Variants in FGD6 observed in about 807,000 individuals in gnomAD.
FGD6 encodes FYVE, RhoGEF and PH domain-containing protein 6.
A neutral mutation model predicts 149.4 loss-of-function variants in FGD6; 90 were observed. The observed-to-expected ratio is 0.60, with a 90% CI of 0.51 to 0.72. The LOEUF (loss-of-function observed/expected upper bound fraction) is 0.72, where lower values mean the gene tolerates loss of function less well. Among genes scored for constraint, FGD6 ranks in the 30% least tolerant of loss-of-function variants. The pLI is 0.00. For missense variants in FGD6, 1,437 were observed against 1,684.8 expected (o/e 0.85, Z 2.57); for synonymous variants, 527 against 584.0 (o/e 0.90, Z 1.41).
chr12:95,150,600 G>C (rs1056542231), intron 5 of FGD6, among the ~76,000 whole-genome samples: 2 of 152,066 alleles, frequency 1.3e-5, no homozygotes, highest in East Asian at 3.9e-4. Context: ...AAATTTGTTA[G>C]GGTGACAAAA....
chr12:95,216,140 C>A (rs867396081), intron 1 of FGD6, among the ~76,000 whole-genome samples: 1 of 152,172 alleles, frequency 6.6e-6, no homozygotes, highest in Non-Finnish European at 1.5e-5. Flanking sequence ...TTGTTGTAAT[C>A]TGATCACAGG....
In FGD6 at chr12:95,141,380, A is replaced by C. The variant is rs79252275; in HGVS notation, c.2837+8T>G. On this transcript the variant is annotated splice_region_variant and intron_variant, in intron 6 of 20. Coordinates refer to ENST00000343958, the MANE Select transcript of FGD6 (RefSeq NM_018351.4). ...CACTAGGAAAATCTGAAAACGGTCC[A>C]TTTTTACCAGTGCAACATTCTTTCC... 4,802 of 1,613,174 alleles carry C rather than the reference A, an allele frequency of 3.0e-3. 135 individuals are homozygous for C. In the African/African-American group the frequency reaches 0.058, roughly 19 times the overall value.
chr12:95,125,840 C>A, intron 8 of FGD6: 2 of 1,028,182 alleles, frequency 1.9e-6, no homozygotes, highest in South Asian at 1.3e-5. Context: ...TCATTGTGAT[C>A]ATAGATGTTA....
At chr12:95,217,166 C>T (rs1312641672) in intron 1 of FGD6, 59 bp downstream of exon 1, 2 of 1,608,706 alleles carry the variant, frequency 1.2e-6, no homozygotes, top group African/African-American at 1.3e-5. Flanking sequence ...GCTCGCGAGC[C>T]CAAGCCTAGC....
intron 18 of FGD6, among the ~76,000 whole-genome samples, chr12:95,087,189 T>C (rs1565892081): frequency 6.6e-6 from 1 of 152,100 alleles, no homozygotes; most frequent in Admixed American, 6.6e-5. Flanking sequence ...AGTAGATAAA[T>C]AACAAAATGT....
chr12:95,113,998 T>G (rs1031300306), intron 8 of FGD6, among the ~76,000 whole-genome samples: 1 of 152,206 alleles, frequency 6.6e-6, no homozygotes, highest in Non-Finnish European at 1.5e-5. Flanking sequence ...AGAGCCAGCA[T>G]GAGAATTCAG....
At chr12:95,185,163 C>T (rs1486755349) in intron 2 of FGD6, among the ~76,000 whole-genome samples, 1 of 152,126 alleles carries the variant, frequency 6.6e-6, no homozygotes, top group Non-Finnish European at 1.5e-5. Flanking sequence ...TGTGAGCACC[C>T]GGGCCCTTCT....
intron 5 of FGD6, among the ~76,000 whole-genome samples, chr12:95,149,437 A>G (rs1010886633): frequency 2.3e-5 from 3 of 129,772 alleles, no homozygotes; most frequent in Non-Finnish European, 3.1e-5. Context: ...TATAGCATAT[A>G]TTATATATAA....
At chr12:95,081,714 T>C (rs191926632) in intron 20 of FGD6, among the ~76,000 whole-genome samples, 158 bp from the exon 21 acceptor site, 292 of 151,548 alleles carry the variant, frequency 1.9e-3, no homozygotes, top group African/African-American at 6.7e-3. Flanking sequence ...GACAGAGTTT[T>C]GCTCTCGTTG....
chr12:95,149,843 A>G (rs1214890052), intron 5 of FGD6, among the ~76,000 whole-genome samples: 2 of 146,542 alleles, frequency 1.4e-5, no homozygotes, highest in African/African-American at 5.0e-5. Context: ...TATAGTACAT[A>G]TACTATATAA....
At chr12:95,207,077 T>A (rs77880422) in intron 2 of FGD6, among the ~76,000 whole-genome samples, 1 of 151,634 alleles carries the variant, frequency 6.6e-6, no homozygotes, top group Admixed American at 6.6e-5. Flanking sequence ...GTCCCCATAA[T>A]CCCTACATGT....
intron 5 of FGD6, among the ~76,000 whole-genome samples, chr12:95,148,946 A>G (rs1332173372): frequency 3.2e-3 from 1 of 316 alleles, no homozygotes; most frequent in Non-Finnish European, 4.3e-3. Context: ...TATTATATAT[A>G]TTATATAAGA....
intron 2 of FGD6, among the ~76,000 whole-genome samples, chr12:95,185,641 T>C (rs1881407663): frequency 6.6e-6 from 1 of 152,108 alleles, no homozygotes; most frequent in Non-Finnish European, 1.5e-5. Flanking sequence ...GGCAGGAGGA[T>C]CATGAGGTCA....
chr12:95,105,974 C>T (rs1239166244), intron 13 of FGD6, among the ~76,000 whole-genome samples: 1 of 152,088 alleles, frequency 6.6e-6, no homozygotes, highest in Non-Finnish European at 1.5e-5. Context: ...CGCACCACTG[C>T]ACTCTAGCCT....
At chr12:95,134,556 C>T (rs1037172952) in intron 8 of FGD6, among the ~76,000 whole-genome samples, 183 bp downstream of exon 8, 1 of 152,048 alleles carries the variant, frequency 6.6e-6, no homozygotes, top group Non-Finnish European at 1.5e-5. Context: ...ATCAAAGAAC[C>T]GAAAGCCGTT....
At chr12:95,107,840 T>C (rs1023078784) in intron 11 of FGD6, among the ~76,000 whole-genome samples, 2 of 152,166 alleles carry the variant, frequency 1.3e-5, no homozygotes, top group Non-Finnish European at 1.5e-5. Flanking sequence ...AATTCCAATA[T>C]TGGCCCCTGG....
At chr12:95,125,041 T>C (rs1278217315) in intron 8 of FGD6, among the ~76,000 whole-genome samples, 11 of 152,180 alleles carry the variant, frequency 7.2e-5, no homozygotes, top group Non-Finnish European at 1.3e-4. Flanking sequence ...AAATTTTTTT[T>C]TAATAACTGT....
intron 1 of FGD6, among the ~76,000 whole-genome samples, chr12:95,214,175 T>C (rs1392429108): frequency 6.6e-6 from 1 of 152,210 alleles, no homozygotes; most frequent in Admixed American, 6.5e-5. Context: ...CACTGATGTA[T>C]CCCAGTGCTA....
At chr12:95,158,137 A>G (rs1010502775) in intron 3 of FGD6, among the ~76,000 whole-genome samples, 1 of 134,814 alleles carries the variant, frequency 7.4e-6, no homozygotes, top group Non-Finnish European at 1.6e-5. Context: ...GGCATGAGCC[A>G]CCGTGCCTGG....
Sources: allele counts gnomAD v4.1 joint callset (sites outside exome capture counted in the v4.1 genomes callset), GRCh38; gene constraint gnomAD v4.1.1; transcripts MANE v1.5; gene names NCBI Gene and HGNC (gene_info 2026-07-23, HGNC 2026-07-21).